The following NRG2 variants were observed in gnomAD, a reference collection of about 807,000 sequenced individuals.
The protein encoded by NRG2 is pro-neuregulin-2, membrane-bound isoform.
Under a neutral mutation model 73.9 loss-of-function variants are expected in NRG2, and 27 were observed. That is an observed-to-expected ratio of 0.37 (90% CI 0.27 to 0.50). The LOEUF is 0.50. Among genes scored for constraint, NRG2 ranks in the 20% least tolerant of loss-of-function variants. The pLI, the probability that NRG2 is intolerant of heterozygous loss-of-function variation, is 0.96. For synonymous variants in NRG2, 532 were observed against 541.0 expected (o/e 0.98, Z 0.23); for missense variants, 1,126 against 1,210.1 (o/e 0.93, Z 1.03).
At position 139,871,703 on chromosome 5, in the gene NRG2, C is replaced by G; in HGVS notation, c.1112+18G>C. ...TACCCTGTTCTTGCTCCCATGCCCACCCCTACTGGTCACTTACTTGCAGGA... is the reference window on the plus strand; with the variant it reads ...TACCCTGTTCTTGCTCCCATGCCCAGCCCTACTGGTCACTTACTTGCAGGA... On this transcript the variant is annotated intron_variant, in intron 4 of 9. Transcript: ENST00000361474. The G allele has an allele frequency of 6.2e-7, 1 of 1,613,694 alleles. No individual in the cohort carries two copies. The highest frequency in any genetic ancestry group is 1.3e-5 in the African/African-American group (1 of 75,040).
chr5:139,859,962 A>T, intron 5 of NRG2: 6 of 1,583,246 alleles, frequency 3.8e-6, no homozygotes, highest in Non-Finnish European at 5.2e-6. Flanking sequence ...GGAGGGAGAG[A>T]GACAGGTGGG....
chr5:139,873,258 T>G (rs1205125052), intron 3 of NRG2, among the ~76,000 whole-genome samples: 1 of 152,102 alleles, frequency 6.6e-6, no homozygotes, highest in Non-Finnish European at 1.5e-5. Flanking sequence ...TGCTGAGGTC[T>G]CCCTCCTCGG....
At chr5:140,029,237 A>G (rs1760942794) in intron 1 of NRG2, among the ~76,000 whole-genome samples, 1 of 152,216 alleles carries the variant, frequency 6.6e-6, no homozygotes, top group African/African-American at 2.4e-5. Context: ...CTGGGACTCA[A>G]AAAAATTAAG....
chr5:139,986,601 A>C (rs185469554), intron 1 of NRG2, among the ~76,000 whole-genome samples: 19 of 152,214 alleles, frequency 1.2e-4, no homozygotes, highest in African/African-American at 4.6e-4. Flanking sequence ...TGCACACCTA[A>C]AAGGGCCCCT....
rs1219586386 is a variant in NRG2, at chr5:139,851,265, G to A, written c.1772+339C>T. On this transcript the variant is annotated intron_variant, in intron 9 of 9. Transcript: ENST00000361474. The surrounding 1 kb of genome is among the most constrained non-coding windows in gnomAD (Gnocchi z 4.2). The stretch of plus-strand genomic sequence containing the variant: ...GGCCTCCCAAGTGCTGGGATTACAG[G>A]TGTGAGCCACCGCGCCCGGCTGCCT... Among the ~76,000 whole-genome samples, 1 of 152,166 alleles carries A rather than the reference G, an allele frequency of 6.6e-6. No individual in the cohort carries two copies. The highest frequency in any genetic ancestry group is 2.1e-4 in the South Asian group (1 of 4,826).
intron 1 of NRG2, among the ~76,000 whole-genome samples, chr5:139,895,165 C>G (rs1581888728): frequency 6.6e-6 from 1 of 152,250 alleles, no homozygotes; most frequent in East Asian, 1.9e-4. Flanking sequence ...GGCCTGACCA[C>G]CAGGGACAAC....
intron 1 of NRG2, among the ~76,000 whole-genome samples, chr5:139,961,168 G>A (rs1755027816): frequency 6.6e-6 from 1 of 152,194 alleles, no homozygotes; most frequent in East Asian, 1.9e-4. Context: ...CCTTGGTAGT[G>A]GGGGTTTCGG....
chr5:139,848,307 G>A lies in NRG2; in HGVS notation c.2163C>T (p.Pro721=), dbSNP rs1263227951. 7.7e-6 allele frequency: 9 copies of A among 1,175,506 alleles called. No individual in the cohort carries two copies. The highest frequency in any genetic ancestry group is 4.2e-5 in the South Asian group (1 of 23,926). The allele number at this position is 1,175,506 out of a possible 1,614,324, so 72.8% of individuals were successfully genotyped here. A position where few individuals can be genotyped will look rare whatever the true frequency, so the allele number is the denominator to read the frequency against. ...DEYETTQECA[P]PPPPRPRARG... Reference sequence around the variant, plus strand: ...GCGCGCGCGGCCGCGGCGGCGGCGGGGGCGCGCACTCCTGCGTGGTCTCGT... The same window carrying A: ...GCGCGCGCGGCCGCGGCGGCGGCGGAGGCGCGCACTCCTGCGTGGTCTCGT... The change falls in exon 10 of 10, where the codon CCC becomes CCT. Residue 721 remains proline (P), a synonymous_variant. Transcript: ENST00000361474.
intron 1 of NRG2, among the ~76,000 whole-genome samples, chr5:139,931,388 C>T (rs1752458328): frequency 6.6e-6 from 1 of 152,166 alleles, no homozygotes; most frequent in Non-Finnish European, 1.5e-5. Flanking sequence ...GGGTCCCAAT[C>T]ATCAGGGAAG....
At chr5:140,032,403 T>C (rs1001280454) in intron 1 of NRG2, among the ~76,000 whole-genome samples, 1 of 151,744 alleles carries the variant, frequency 6.6e-6, no homozygotes, top group East Asian at 1.9e-4. Context: ...AAAGAAACTA[T>C]GGACTATTGA....
intron 1 of NRG2, among the ~76,000 whole-genome samples, chr5:139,945,316 T>A (rs928454705): frequency 6.6e-6 from 1 of 152,092 alleles, no homozygotes; most frequent in East Asian, 1.9e-4. Context: ...TAAAATATTT[T>A]CCCAGACCAA....
At chr5:140,026,055 G>T (rs1001422995) in intron 1 of NRG2, among the ~76,000 whole-genome samples, 1 of 152,192 alleles carries the variant, frequency 6.6e-6, no homozygotes, top group East Asian at 1.9e-4. Context: ...GGAAGAGGAG[G>T]CAAGAAACTG....
At chr5:139,896,282 A>C (rs1461668950) in intron 1 of NRG2, among the ~76,000 whole-genome samples, 1 of 152,214 alleles carries the variant, frequency 6.6e-6, no homozygotes, top group Non-Finnish European at 1.5e-5. Context: ...GATTTTTAAG[A>C]TAAAATAAAA....
chr5:140,039,725 C>T (rs1166431890), intron 1 of NRG2, among the ~76,000 whole-genome samples: 1 of 152,126 alleles, frequency 6.6e-6, no homozygotes, highest in Admixed American at 6.5e-5. Context: ...TTCTAGGTGA[C>T]TTCCCAGAGA....
chr5:139,969,043 G>A (rs752876438), intron 1 of NRG2, among the ~76,000 whole-genome samples: 5 of 152,218 alleles, frequency 3.3e-5, no homozygotes, highest in Non-Finnish European at 5.9e-5. Context: ...CAGCCCAGCC[G>A]CGTGGCAGCC....
intron 1 of NRG2, among the ~76,000 whole-genome samples, chr5:139,933,771 C>T (rs1484134415): frequency 6.6e-6 from 1 of 152,086 alleles, no homozygotes; most frequent in East Asian, 1.9e-4. Flanking sequence ...AAATTATACC[C>T]CCAAAATGCA....
chr5:140,030,392 G>A (rs1039499071), intron 1 of NRG2, among the ~76,000 whole-genome samples: 1 of 152,072 alleles, frequency 6.6e-6, no homozygotes, highest in Non-Finnish European at 1.5e-5. Context: ...ACCTCTGTAC[G>A]ACAAGCTCTG....
At chr5:139,863,839 C>T (rs1166580486) in intron 5 of NRG2, among the ~76,000 whole-genome samples, 2 of 152,180 alleles carry the variant, frequency 1.3e-5, no homozygotes, top group Admixed American at 6.5e-5. Context: ...GATAGTTGAC[C>T]ATCTGGGCCA....
intron 1 of NRG2, among the ~76,000 whole-genome samples, chr5:139,933,024 C>T (rs1454994261): frequency 6.6e-5 from 10 of 152,296 alleles, no homozygotes; most frequent in African/African-American, 2.4e-4. Context: ...CCTGTAAGCC[C>T]AGCACTTTGG....
Sources: allele counts gnomAD v4.1 joint callset (sites outside exome capture counted in the v4.1 genomes callset), GRCh38; gene constraint gnomAD v4.1.1; non-coding constraint Gnocchi (gnomAD v3.1); transcripts MANE v1.5; gene names NCBI Gene and HGNC (gene_info 2026-07-23, HGNC 2026-07-21).